PPP4R1: variants seen among roughly 807,000 people sequenced by gnomAD.
PPP4R1 encodes protein phosphatase 4 regulatory subunit 1, also known as serine/threonine-protein phosphatase 4 regulatory subunit 1.
A neutral mutation model predicts 111.2 loss-of-function variants in PPP4R1; 42 were observed. That is an observed-to-expected ratio of 0.38 (90% CI 0.29 to 0.49). The LOEUF (loss-of-function observed/expected upper bound fraction) is 0.49, where lower values mean the gene tolerates loss of function less well. PPP4R1 is among the 20% of genes least tolerant of loss of function. The pLI is 0.97. For synonymous variants in PPP4R1, 409 were observed against 405.5 expected (o/e 1.01, Z -0.10); for missense variants, 1,012 against 1,161.6 (o/e 0.87, Z 1.87).
At chr18:9,617,081 A>T (rs2067694502), upstream of PPP4R1, 1 of 152,172 alleles carries the variant, frequency 6.6e-6, no homozygotes, top group African/African-American at 2.4e-5. Flanking sequence ...TCTAAGAAAT[A>T]ATATTTAAAC....
chr18:9,577,372 C>T (rs960586321), intron 9 of PPP4R1, among the ~76,000 whole-genome samples, 181 bp from the exon 10 acceptor site: 38 of 152,166 alleles, frequency 2.5e-4, no homozygotes, highest in Admixed American at 1.2e-3. Flanking sequence ...TTCTTACAAG[C>T]TATTTTCTCT....
rs1568080547 is a variant in PPP4R1, at chr18:9,550,033, A to G, written c.2547+19T>C. On this transcript the variant is annotated intron_variant, in intron 18 of 19. Coordinates refer to ENST00000400556, the MANE Select transcript of PPP4R1 (RefSeq NM_001042388.3). ...TAGGAGAAAAACTCACAAACAGGTA[A>G]GCCCAGGGCCTCGCTTACCTGGCAG... 1 of 1,614,006 alleles carries G rather than the reference A, an allele frequency of 6.2e-7. No individual in the cohort carries two copies. The highest frequency in any genetic ancestry group is 8.5e-7 in the Non-Finnish European group (1 of 1,179,968).
chr18:9,581,013 T>C (rs1047834650), intron 9 of PPP4R1, among the ~76,000 whole-genome samples: 2 of 152,220 alleles, frequency 1.3e-5, no homozygotes, highest in Non-Finnish European at 2.9e-5. Context: ...CTGTACCTCC[T>C]GGAGTGGGGA....
At chr18:9,608,131 C>A (rs1282112547) in intron 2 of PPP4R1, among the ~76,000 whole-genome samples, 1 of 152,028 alleles carries the variant, frequency 6.6e-6, no homozygotes, top group East Asian at 1.9e-4. Context: ...TAGATGTATA[C>A]CCAAGAGAAA....
At chr18:9,609,968 C>T (rs1439317278) in intron 2 of PPP4R1, among the ~76,000 whole-genome samples, 2 of 152,236 alleles carry the variant, frequency 1.3e-5, no homozygotes, top group African/African-American at 4.8e-5. Context: ...ACAGCCTACA[C>T]ATCACAGGAC....
intron 2 of PPP4R1, among the ~76,000 whole-genome samples, chr18:9,598,143 A>G (rs950134927): frequency 6.6e-6 from 1 of 152,204 alleles, no homozygotes; most frequent in Non-Finnish European, 1.5e-5. Flanking sequence ...AAACAGAAAA[A>G]ATATGGGGGA....
At chr18:9,555,253 G>A (rs1176239755) in intron 15 of PPP4R1, among the ~76,000 whole-genome samples, 1 of 152,116 alleles carries the variant, frequency 6.6e-6, no homozygotes, top group African/African-American at 2.4e-5. Context: ...AGTGAGCCAT[G>A]ATTGCATCAT....
intron 4 of PPP4R1, among the ~76,000 whole-genome samples, chr18:9,590,690 A>T (rs2067196525): frequency 1.4e-5 from 2 of 147,176 alleles, no homozygotes; most frequent in Admixed American, 6.8e-5. Flanking sequence ...TACTCACATT[A>T]AAAAAAAAAA....
At chr18:9,580,351 A>ATTT (rs3974279) in intron 9 of PPP4R1, among the ~76,000 whole-genome samples, 4 of 146,320 alleles carry the variant, frequency 2.7e-5, no homozygotes, top group Admixed American at 6.8e-5. Context: ...TGAGAGTCTA[A>ATTT]TTTTTTTTTT....
intron 13 of PPP4R1, 73 bp from the exon 14 acceptor site, chr18:9,559,677 C>A (rs1434631714): frequency 4.3e-6 from 5 of 1,160,524 alleles, no homozygotes; most frequent in Middle Eastern, 2.1e-4. Context: ...ATAAATTGGG[C>A]AAAATTATTT....
At chr18:9,559,669 A>C in intron 13 of PPP4R1, 65 bp from the exon 14 acceptor site, 1 of 1,203,040 alleles carries the variant, frequency 8.3e-7, no homozygotes. Context: ...GTTTAGACAT[A>C]AATTGGGCAA....
intron 2 of PPP4R1, among the ~76,000 whole-genome samples, chr18:9,598,047 C>T (rs1037670335): frequency 2.0e-5 from 3 of 151,766 alleles, no homozygotes; most frequent in South Asian, 2.1e-4. Flanking sequence ...GAAAAATACA[C>T]GGGATGGGAT....
intron 15 of PPP4R1, 100 bp from the exon 16 acceptor site, chr18:9,553,522 T>C (rs1300147536): frequency 2.7e-6 from 2 of 736,628 alleles, no homozygotes; most frequent in African/African-American, 1.8e-5. Context: ...TGGTTAATTC[T>C]TCTGAAGAGG....
At chr18:9,549,074 T>G in intron 19 of PPP4R1, 123 bp downstream of exon 19, 1 of 1,269,082 alleles carries the variant, frequency 7.9e-7, no homozygotes, top group Non-Finnish European at 1.1e-6. Context: ...ACTAAAGTAT[T>G]TCCTTCCACC....
rs2066425049 is a variant in PPP4R1 at position 9,547,911 on chromosome 18, C to T, written c.2731G>A (p.Glu911Lys). 2.5e-6 allele frequency: 4 copies of T among 1,614,010 alleles called. No individual in the cohort carries two copies. The highest frequency in any genetic ancestry group is 1.3e-5 in the African/African-American group (1 of 75,054). ...ASASCHQEAV[E>K]QTIMALQMDR... The stretch of plus-strand genomic sequence containing the variant: ...ATCTGAAGAGCCATGATGGTCTGCT[C>T]CACAGCCTCCTGGTGGCAGCTGGCA... The change falls in exon 20 of 20, where the codon GAG becomes AAG. Residue 911 changes from glutamate to lysine, a missense_variant. Physicochemically the swap from Glu to Lys is moderately conservative, Grantham distance 56. Transcript: ENST00000400556.
chr18:9,549,824 C>T (rs947882161), intron 18 of PPP4R1: 21 of 613,196 alleles, frequency 3.4e-5, no homozygotes, highest in Middle Eastern at 4.4e-4. Context: ...ACAGCAGGCA[C>T]GTGGGGTGTG....
At chr18:9,572,618 G>A (rs145660712) in intron 10 of PPP4R1, among the ~76,000 whole-genome samples, 226 of 152,276 alleles carry the variant, frequency 1.5e-3, no homozygotes, top group Non-Finnish European at 2.5e-3. Context: ...TTTAACAGGA[G>A]ACTTAAAAGG....
In PPP4R1 at chr18:9,559,613, G is replaced by GA. The variant is rs2066641245; in HGVS notation, c.1843-10dup. ...GCCTGAGGTACAACATCCTAATGGAGAAAGAGAAACCACAGTGACTGAGCA... is the reference window on the plus strand; with the variant it reads ...GCCTGAGGTACAACATCCTAATGGAGAAAAGAGAAACCACAGTGACTGAGCA... On this transcript the variant is annotated splice_polypyrimidine_tract_variant and intron_variant, in intron 13 of 19. Transcript: ENST00000400556. The GA allele has an allele frequency of 1.9e-6, 3 of 1,556,796 alleles. No individual in the cohort carries two copies. Among genetic ancestry groups the GA allele is most frequent in the Non-Finnish European group, 2.6e-6 (3 of 1,146,258 alleles).
intron 9 of PPP4R1, among the ~76,000 whole-genome samples, chr18:9,580,318 T>C (rs1316301904): frequency 6.6e-6 from 1 of 151,220 alleles, no homozygotes; most frequent in African/African-American, 2.4e-5. Flanking sequence ...ACTGACAAAA[T>C]GTAGTATACA....
Sources: gnomAD v4.1 joint callset for allele counts (sites outside exome capture counted in the v4.1 genomes callset) on GRCh38, gnomAD v4.1.1 for gene constraint, MANE v1.5 for transcripts, NCBI Gene and HGNC (gene_info 2026-07-23, HGNC 2026-07-21) for gene names.